The following OR7C1 variants were observed in gnomAD, a reference collection of about 807,000 sequenced individuals.
OR7C1 encodes olfactory receptor 7C1.
For synonymous variants in OR7C1, 152 were observed against 160.7 expected, an observed-to-expected ratio of 0.95 and a Z score of 0.41; for missense variants, 324 against 383.3, an observed-to-expected ratio of 0.85 and a Z score of 1.29.
At chr19:14,828,489 G>C (rs1027121938) in intron 1 of OR7C1, among the ~76,000 whole-genome samples, 1 of 151,944 alleles carries the variant, frequency 6.6e-6, no homozygotes, top group African/African-American at 2.4e-5. Flanking sequence ...GGCTGGGCAC[G>C]GTGGCTTATG....
intron 1 of OR7C1, among the ~76,000 whole-genome samples, chr19:14,810,441 G>A (rs1014453527): frequency 1.3e-5 from 2 of 151,154 alleles, no homozygotes; most frequent in East Asian, 1.9e-4. Flanking sequence ...GTGCAGTGGC[G>A]CAATCTTGGC....
At chr19:14,829,596 G>A (rs778054218) in intron 1 of OR7C1, among the ~76,000 whole-genome samples, 43 of 152,318 alleles carry the variant, frequency 2.8e-4, no homozygotes, top group Non-Finnish European at 5.6e-4. Flanking sequence ...TGGTGTCAGA[G>A]GATGTTGCAG....
At chr19:14,818,259 A>AT (rs1246504602) in intron 1 of OR7C1, among the ~76,000 whole-genome samples, 3 of 151,638 alleles carry the variant, frequency 2.0e-5, no homozygotes, top group Non-Finnish European at 4.4e-5. Context: ...CGCCCGGCTA[A>AT]TTTTTTTGAA....
At chr19:14,813,427 C>T (rs559931650) in intron 1 of OR7C1, among the ~76,000 whole-genome samples, 7 of 151,790 alleles carry the variant, frequency 4.6e-5, no homozygotes, top group South Asian at 4.2e-4. Flanking sequence ...TGGTGGCGGG[C>T]GCCTGTAGTC....
At chr19:14,807,505 A>G (rs55959030) in intron 2 of OR7C1, among the ~76,000 whole-genome samples, 1,722 of 151,930 alleles carry the variant, frequency 0.011, 51 homozygotes, top group African/African-American at 0.039. Flanking sequence ...TTTGCACATG[A>G]CACTGGAATT....
chr19:14,829,675 G>A (rs971402873), intron 1 of OR7C1, among the ~76,000 whole-genome samples: 20 of 152,192 alleles, frequency 1.3e-4, no homozygotes, highest in African/African-American at 4.8e-4. Flanking sequence ...TGTTGCACCT[G>A]CACTTTATTA....
At chr19:14,821,945 C>A (rs142732302) in intron 1 of OR7C1, among the ~76,000 whole-genome samples, 1 of 152,174 alleles carries the variant, frequency 6.6e-6, no homozygotes, top group Non-Finnish European at 1.5e-5. Flanking sequence ...TCCCCATGTA[C>A]GAGTGTGCAG....
At chr19:14,816,111 C>T (rs765314908) in intron 1 of OR7C1, among the ~76,000 whole-genome samples, 2 of 151,980 alleles carry the variant, frequency 1.3e-5, no homozygotes, top group African/African-American at 2.4e-5. Context: ...AGACATGAGC[C>T]GCCATGTTCT....
At chr19:14,810,372 G>GT (rs34756526) in intron 1 of OR7C1, among the ~76,000 whole-genome samples, 3,095 of 112,268 alleles carry the variant, frequency 0.028, 44 homozygotes, top group Non-Finnish European at 0.036. Context: ...ACCAAAATGA[G>GT]TTTTTTTTTT....
At chr19:14,820,576 GA>G (rs57343052) in intron 1 of OR7C1, among the ~76,000 whole-genome samples, 14 of 147,674 alleles carry the variant, frequency 9.5e-5, no homozygotes, top group East Asian at 3.9e-4. Context: ...AATCACACAG[GA>G]AAAAAAAAAG....
chr19:14,811,288 T>C (rs73926687), intron 1 of OR7C1, among the ~76,000 whole-genome samples: 1,734 of 151,938 alleles, frequency 0.011, 56 homozygotes, highest in African/African-American at 0.039. Flanking sequence ...CTCCAGAGTC[T>C]CTAACGGTGA....
chr19:14,822,574 G>A (rs1754814859), intron 1 of OR7C1, among the ~76,000 whole-genome samples: 1 of 151,668 alleles, frequency 6.6e-6, no homozygotes, highest in African/African-American at 2.4e-5. Flanking sequence ...AGTAGAGATG[G>A]GGTTTCACCG....
chr19:14,813,416 A>G (rs1289123690), intron 1 of OR7C1, among the ~76,000 whole-genome samples: 4 of 151,684 alleles, frequency 2.6e-5, no homozygotes, highest in Admixed American at 6.6e-5. Context: ...TTAGCCAGGC[A>G]TGGTGGCGGG....
At chr19:14,811,123 T>C (rs2044688994) in intron 1 of OR7C1, among the ~76,000 whole-genome samples, 1 of 151,932 alleles carries the variant, frequency 6.6e-6, no homozygotes, top group South Asian at 2.1e-4. Context: ...GTGTATGCAA[T>C]ACTGACACTA....
chr19:14,811,372 C>A (rs1246776414), intron 1 of OR7C1, among the ~76,000 whole-genome samples: 2 of 151,860 alleles, frequency 1.3e-5, no homozygotes, highest in African/African-American at 4.9e-5. Flanking sequence ...TTTCAATCTC[C>A]TCTGTCTGTG....
chr19:14,802,699 A>G (rs1342780415), intron 2 of OR7C1, among the ~76,000 whole-genome samples: 4 of 152,224 alleles, frequency 2.6e-5, no homozygotes, highest in Non-Finnish European at 4.4e-5. Flanking sequence ...AATGATGGAC[A>G]CGCTGACATG....
intron 1 of OR7C1, among the ~76,000 whole-genome samples, chr19:14,816,267 T>C (rs2044715981): frequency 6.6e-6 from 1 of 152,164 alleles, no homozygotes; most frequent in South Asian, 2.1e-4. Flanking sequence ...GAGTGTCAAC[T>C]TGATTAAACT....
chr19:14,823,826 T>C (rs754210984), intron 1 of OR7C1, among the ~76,000 whole-genome samples: 10 of 152,170 alleles, frequency 6.6e-5, no homozygotes, highest in Non-Finnish European at 1.3e-4. Context: ...GAAATGAGGG[T>C]CTAATTTCAT....
intron 1 of OR7C1, among the ~76,000 whole-genome samples, chr19:14,829,747 C>G (rs140228635): frequency 6.6e-6 from 1 of 151,972 alleles, no homozygotes; most frequent in African/African-American, 2.4e-5. Context: ...CTTCTGGTGT[C>G]TTGGGTTCTG....
Sources: gnomAD v4.1 joint callset for allele counts (sites outside exome capture counted in the v4.1 genomes callset) on GRCh38, gnomAD v4.1.1 for gene constraint, MANE v1.5 for transcripts, NCBI Gene and HGNC (gene_info 2026-07-23, HGNC 2026-07-21) for gene names.